RGS6: variants seen among roughly 807,000 people sequenced by gnomAD.
RGS6 encodes the protein regulator of G-protein signaling 6.
RGS6 carries 30 observed loss-of-function variants against 78.5 expected under a neutral mutation model. The ratio of observed to expected loss-of-function variants is 0.38; its 90% CI spans 0.29 to 0.52. The LOEUF (loss-of-function observed/expected upper bound fraction) is 0.52, where lower values mean the gene tolerates loss of function less well. Among genes scored for constraint, RGS6 ranks in the 20% least tolerant of loss-of-function variants. The pLI, the probability that RGS6 is intolerant of heterozygous loss-of-function variation, is 0.85. For missense variants in RGS6, 495 were observed against 609.7 expected (o/e 0.81, Z 1.98); for synonymous variants, 206 against 206.0 (o/e 1.00, Z 0.00).
At position 72,556,308 on chromosome 14, in the gene RGS6, G is replaced by T. The variant is rs115385455; in HGVS notation, c.1423-6109G>T. Among the ~76,000 whole-genome samples the T allele has an allele frequency of 1.3e-3, 195 of 152,228 alleles. 1 individual carries two copies. Among genetic ancestry groups the T allele is most frequent in the African/African-American group, 4.4e-3 (182 of 41,530 alleles). ...CTTGGCAGCAGGCAAGAGAGAGCGAGTGTGTATTAACACTTAAAAAACCAT... is the reference window on the plus strand; with the variant it reads ...CTTGGCAGCAGGCAAGAGAGAGCGATTGTGTATTAACACTTAAAAAACCAT... On this transcript the variant is annotated intron_variant, in intron 17 of 17. Coordinates refer to ENST00000553525, the MANE Select transcript of RGS6 (RefSeq NM_001204424.2).
At chr14:72,237,753 G>T (rs2051503187) in intron 2 of RGS6, among the ~76,000 whole-genome samples, 1 of 152,164 alleles carries the variant, frequency 6.6e-6, no homozygotes, top group Non-Finnish European at 1.5e-5. Context: ...GAGCATGCAG[G>T]TGAGCAGGTA....
At chr14:72,395,994 C>T (rs966662633) in intron 3 of RGS6, among the ~76,000 whole-genome samples, 18 of 152,096 alleles carry the variant, frequency 1.2e-4, no homozygotes, top group East Asian at 3.9e-4. Flanking sequence ...AATAAACATA[C>T]GTGAGCATGT....
chr14:72,138,711 A>G (rs1326701321), intron 2 of RGS6, among the ~76,000 whole-genome samples: 3 of 152,008 alleles, frequency 2.0e-5, no homozygotes, highest in African/African-American at 7.2e-5. Context: ...TCAGATCAGC[A>G]GCAGCATTAG....
At chr14:72,027,389 A>C (rs2090086725) in intron 2 of RGS6, among the ~76,000 whole-genome samples, 1 of 152,162 alleles carries the variant, frequency 6.6e-6, no homozygotes, top group African/African-American at 2.4e-5. Flanking sequence ...ATATATACAC[A>C]CAAGTTTTGC....
chr14:72,110,839 C>T (rs780137619), intron 2 of RGS6, among the ~76,000 whole-genome samples: 2 of 152,140 alleles, frequency 1.3e-5, no homozygotes, highest in African/African-American at 2.4e-5. Context: ...ACATTGCCCA[C>T]ACTCTGCTAA....
At chr14:72,120,423 G>T (rs541829751) in intron 2 of RGS6, among the ~76,000 whole-genome samples, 1 of 152,128 alleles carries the variant, frequency 6.6e-6, no homozygotes, top group Non-Finnish European at 1.5e-5. Context: ...AATCCCTGAG[G>T]TACCTCTGTA....
intron 2 of RGS6, among the ~76,000 whole-genome samples, chr14:71,980,882 A>G (rs1325170595): frequency 1.0e-4 from 10 of 96,588 alleles, no homozygotes; most frequent in Non-Finnish European, 4.3e-5. Flanking sequence ...CATTCTCCCC[A>G]TCACTTTCAG....
intron 2 of RGS6, among the ~76,000 whole-genome samples, chr14:72,065,447 T>G (rs1462456122): frequency 6.6e-6 from 1 of 152,196 alleles, no homozygotes; most frequent in Non-Finnish European, 1.5e-5. Context: ...CACAATCCCT[T>G]AAGTCTTAAT....
chr14:72,460,668 TCAG>T lies in RGS6; in HGVS notation c.394+987_394+989del, dbSNP rs2095754890. Among the ~76,000 whole-genome samples, 3 of 152,308 alleles carry T rather than the reference TCAG, an allele frequency of 2.0e-5. No homozygotes were observed. The South Asian group carries it at 6.2e-4, about 32-fold the overall frequency. ...CTTTGCATGCATCCTTGCTGCTGAC[TCAG>T]CTGCTGTGGCAGTCTCATCTGTGGC... is the stretch of plus-strand genomic sequence containing the variant. On this transcript the variant is annotated intron_variant, in intron 6 of 17. Transcript: ENST00000553525.
the RGS6 span, among the ~76,000 whole-genome samples, chr14:71,919,265 G>T: frequency 6.6e-6 from 1 of 152,176 alleles, no homozygotes; most frequent in East Asian, 1.9e-4. Flanking sequence ...CCGTGGGGGT[G>T]AGGGCAGGTC....
chr14:72,378,163 G>A (rs2085224028), intron 3 of RGS6, among the ~76,000 whole-genome samples: 1 of 152,132 alleles, frequency 6.6e-6, no homozygotes, highest in Non-Finnish European at 1.5e-5. Context: ...TGAAACAAAT[G>A]TAAATAGAAA....
chr14:72,429,775 A>C lies in RGS6; in HGVS notation c.185-24753A>C, dbSNP rs533973609. Among the ~76,000 whole-genome samples, 161 of 152,294 alleles carry C rather than the reference A, an allele frequency of 1.1e-3. 1 individual carries two copies. Among genetic ancestry groups the C allele is most frequent in the Non-Finnish European group, 4.0e-4 (27 of 68,028 alleles). On this transcript the variant is annotated intron_variant, in intron 3 of 17. Coordinates refer to ENST00000553525, the MANE Select transcript of RGS6 (RefSeq NM_001204424.2). Reference sequence around the variant, plus strand: ...GATTAGGCTTTGTGTCCCCACCCAAATCTCATCTTGGCTTATAATCCCTGT... The same window carrying C: ...GATTAGGCTTTGTGTCCCCACCCAACTCTCATCTTGGCTTATAATCCCTGT...
At chr14:72,576,030 C>T in the RGS6 span, among the ~76,000 whole-genome samples, 449 of 152,346 alleles carry the variant, frequency 2.9e-3, 2 homozygotes, top group Admixed American at 0.01. Context: ...ACAAGCAAGA[C>T]AATCTGAGGC....
chr14:72,188,471 A>C (rs1474748132), intron 2 of RGS6, among the ~76,000 whole-genome samples: 2 of 94,554 alleles, frequency 2.1e-5, no homozygotes, highest in Admixed American at 2.3e-4. Context: ...GGTGCTAACT[A>C]TAGCAGTTAT....
intron 2 of RGS6, among the ~76,000 whole-genome samples, chr14:72,348,247 A>G (rs932752868): frequency 6.6e-6 from 1 of 152,214 alleles, no homozygotes; most frequent in African/African-American, 2.4e-5. Context: ...AGGGCTGTAC[A>G]CTGGAGTCAG....
chr14:72,383,205 T>TATAC (rs2086757489), intron 3 of RGS6, among the ~76,000 whole-genome samples: 1 of 119,214 alleles, frequency 8.4e-6, no homozygotes, highest in African/African-American at 3.4e-5. Context: ...TATATATATA[T>TATAC]ATATATATAC....
At chr14:72,584,454 G>T in the RGS6 span, among the ~76,000 whole-genome samples, 3 of 152,220 alleles carry the variant, frequency 2.0e-5, no homozygotes, top group Admixed American at 6.5e-5. Context: ...GGCTACTTTA[G>T]ATTGGGTGGT....
chr14:71,875,265 A>G, the RGS6 span, among the ~76,000 whole-genome samples: 88,911 of 151,864 alleles, frequency 0.59, 26,425 homozygotes, highest in East Asian at 0.77. Flanking sequence ...CTGTGAATCC[A>G]TCTGGTCCTG....
chr14:72,095,754 T>C (rs1310771498), intron 2 of RGS6, among the ~76,000 whole-genome samples: 1 of 152,212 alleles, frequency 6.6e-6, no homozygotes, highest in Non-Finnish European at 1.5e-5. Flanking sequence ...GCAGCAAATA[T>C]AAAAATGAAT....
Sources: gnomAD v4.1 joint callset for allele counts (sites outside exome capture counted in the v4.1 genomes callset) on GRCh38, gnomAD v4.1.1 for gene constraint, MANE v1.5 for transcripts, NCBI Gene and HGNC (gene_info 2026-07-23, HGNC 2026-07-21) for gene names.